Variants in FGFR2 observed in about 807,000 individuals in gnomAD.
FGFR2 encodes the protein BEK fibroblast growth factor receptor.
In FGFR2, 19 loss-of-function variants were observed where a neutral mutation model predicts 95.9. That is an observed-to-expected ratio of 0.20 (90% CI 0.14 to 0.29). FGFR2 has a LOEUF of 0.29. Among genes scored for constraint, FGFR2 ranks in the 10% least tolerant of loss-of-function variants. The pLI, the probability that FGFR2 is intolerant of heterozygous loss-of-function variation, is 1.00. For synonymous variants in FGFR2, 392 were observed against 393.3 expected (o/e 1.00, Z 0.04); for missense variants, 707 against 1,056.9 (o/e 0.67, Z 4.59).
Position 121,531,519 on chromosome 10 carries a change from G to T in FGFR2, c.748+7073C>A, listed in dbSNP as rs1054143791. Among the ~76,000 whole-genome samples, 1 of 152,116 alleles carries T rather than the reference G, an allele frequency of 6.6e-6. No homozygotes were observed. The highest frequency in any genetic ancestry group is 1.5e-5 in the Non-Finnish European group (1 of 68,024). On this transcript the variant is annotated intron_variant, in intron 6 of 17. Coordinates refer to ENST00000358487, the MANE Select transcript of FGFR2 (RefSeq NM_000141.5). This position sits in a 1 kb window ranked among gnomAD's most constrained non-coding sequence, Gnocchi z 4.5. The stretch of plus-strand genomic sequence containing the variant: ...CTCCTTTCATCAGGATGGGCTCAGG[G>T]TGCACGGCTCTGTCTGGAGATGCAA...
intron 13 of FGFR2, among the ~76,000 whole-genome samples, chr10:121,492,642 T>G (rs936467486): frequency 6.6e-6 from 1 of 152,206 alleles, no homozygotes; most frequent in Non-Finnish European, 1.5e-5. Flanking sequence ...TGCCTGGTTC[T>G]TCATTCTCCA....
intron 5 of FGFR2, among the ~76,000 whole-genome samples, chr10:121,549,184 T>C (rs1484488568): frequency 6.6e-6 from 1 of 152,244 alleles, no homozygotes; most frequent in South Asian, 2.1e-4. Flanking sequence ...TGTTAATTTC[T>C]AAGTGTTAAA....
At position 121,598,334 on chromosome 10, in the gene FGFR2, C is replaced by T. The variant is rs913507040; in HGVS notation, c.-523G>A. 3 of 292,376 alleles carry T rather than the reference C, an allele frequency of 1.0e-5. No homozygotes were observed. Among genetic ancestry groups the T allele is most frequent in the African/African-American group, 4.4e-5 (2 of 45,194 alleles). 18.1% of individuals were successfully genotyped at this position (292,376 alleles called of 1,614,324 possible). A position where few individuals can be genotyped will look rare whatever the true frequency, so the allele number is the denominator to read the frequency against. On this transcript the variant is annotated 5_prime_UTR_variant, in exon 1 of 18. The change creates a premature stop within an existing upstream ORF in the 5' untranslated region. Transcript: ENST00000358487. ...CCCGGAGAGCAGTCGCCGCGCCGGG[C>T]CAGGTACGCCGCATGCAGCCCCGCG...
intron 5 of FGFR2, among the ~76,000 whole-genome samples, chr10:121,550,854 T>C (rs1201814236): frequency 6.6e-6 from 1 of 152,110 alleles, no homozygotes; most frequent in Non-Finnish European, 1.5e-5. Flanking sequence ...ACATGGGCAA[T>C]TGTGACAATT....
At chr10:121,490,226 CG>C (rs1845962470) in intron 13 of FGFR2, among the ~76,000 whole-genome samples, 1 of 138,626 alleles carries the variant, frequency 7.2e-6, no homozygotes, top group Admixed American at 8.1e-5. Context: ...TGCAGTGGCA[CG>C]ATCTTGGCTC....
chr10:121,488,135 G>C (rs754564444), intron 13 of FGFR2, 22 bp from the exon 14 acceptor site: 62 of 1,611,822 alleles, frequency 3.8e-5, no homozygotes, highest in Non-Finnish European at 5.2e-5. Context: ...AAAGAAGCAA[G>C]AGAAATAACT....
chr10:121,558,224 G>A (rs1418277979), intron 4 of FGFR2, among the ~76,000 whole-genome samples: 2 of 152,128 alleles, frequency 1.3e-5, no homozygotes, highest in Admixed American at 1.3e-4. Flanking sequence ...TAGTACCTAG[G>A]GAAGGCAAGA....
chr10:121,516,289 T>G (rs1218223377), intron 8 of FGFR2, among the ~76,000 whole-genome samples: 1 of 152,174 alleles, frequency 6.6e-6, no homozygotes, highest in African/African-American at 2.4e-5. Context: ...AGCTTCAACA[T>G]AAGAGACATC....
intron 9 of FGFR2, among the ~76,000 whole-genome samples, chr10:121,508,557 G>A (rs557633007): frequency 6.6e-6 from 1 of 152,278 alleles, no homozygotes; most frequent in South Asian, 2.1e-4. Flanking sequence ...GTCTCGAGAA[G>A]ATTTTCATGT....
intron 11 of FGFR2, 122 bp downstream of exon 11, chr10:121,500,704 C>CTAG: frequency 7.2e-7 from 1 of 1,380,970 alleles, no homozygotes; most frequent in Non-Finnish European, 1.0e-6. Flanking sequence ...ACTTCTCAAC[C>CTAG]CCTAGGTCAA....
intron 6 of FGFR2, among the ~76,000 whole-genome samples, chr10:121,536,650 C>A (rs1166253415): frequency 1.3e-5 from 2 of 152,158 alleles, no homozygotes; most frequent in African/African-American, 4.8e-5. Context: ...GGATGAGCCG[C>A]CAGAAAGCTC....
rs753179677 is a variant in FGFR2 at position 121,565,572 on chromosome 10, G to A, written c.242C>T (p.Pro81Leu). 2 of 1,614,086 alleles carry A rather than the reference G, an allele frequency of 1.2e-6. No individual in the cohort carries two copies. The highest frequency in any genetic ancestry group is 1.7e-6 in the Non-Finnish European group (2 of 1,180,030). The change falls in exon 3 of 18, where the codon CCC (proline) becomes CTC (leucine). Residue 81 changes from proline to leucine, a missense_variant. Physicochemically the swap from Pro to Leu is moderately conservative, Grantham distance 98. Coordinates refer to ENST00000358487, the MANE Select transcript of FGFR2 (RefSeq NM_000141.5). The part of the protein sequence containing the change: ...SWTKDGVHLG[P>L]NNRTVLIGEY... ...CCCAATAAGCACTGTCCTATTGTTGGGCCCCAAGTGCACCCCATCCTTAGT... is the reference window on the plus strand; with the variant it reads ...CCCAATAAGCACTGTCCTATTGTTGAGCCCCAAGTGCACCCCATCCTTAGT...
intron 5 of FGFR2, among the ~76,000 whole-genome samples, chr10:121,549,408 C>A (rs1855044352): frequency 6.6e-6 from 1 of 152,192 alleles, no homozygotes. Context: ...TCCTCCCTAC[C>A]TGGCTGTAAA....
At chr10:121,585,387 G>T (rs1861671330) in intron 2 of FGFR2, among the ~76,000 whole-genome samples, 1 of 151,680 alleles carries the variant, frequency 6.6e-6, no homozygotes, top group Admixed American at 6.6e-5. Flanking sequence ...TGGTAATATT[G>T]TAGAGTAAAC....
chr10:121,495,952 C>T (rs1323880739), intron 13 of FGFR2, among the ~76,000 whole-genome samples: 1 of 152,208 alleles, frequency 6.6e-6, no homozygotes, highest in African/African-American at 2.4e-5. Context: ...CGGTAAGTGG[C>T]ACGCCTGGAA....
intron 17 of FGFR2, chr10:121,480,558 A>G (rs777657841): frequency 3.5e-5 from 8 of 226,166 alleles, no homozygotes; most frequent in Non-Finnish European, 5.4e-5. Context: ...AGTTTCGGGG[A>G]TAATTGAAGG....
At chr10:121,513,514 G>T (rs895327137) in intron 9 of FGFR2, among the ~76,000 whole-genome samples, 1 of 152,138 alleles carries the variant, frequency 6.6e-6, no homozygotes, top group African/African-American at 2.4e-5. Flanking sequence ...AGGGGCAGTG[G>T]CCTAGCTATG....
chr10:121,495,559 A>G (rs986892224), intron 13 of FGFR2, among the ~76,000 whole-genome samples: 10 of 152,144 alleles, frequency 6.6e-5, no homozygotes, highest in African/African-American at 2.4e-4. Flanking sequence ...CCATGTTCCT[A>G]TGTGGCCAGA....
intron 4 of FGFR2, among the ~76,000 whole-genome samples, chr10:121,559,192 A>G (rs1316481773): frequency 6.6e-6 from 1 of 152,114 alleles, no homozygotes; most frequent in Admixed American, 6.5e-5. Context: ...TCATTTGTCA[A>G]AGTTCCTAAA....
Sources: allele counts gnomAD v4.1 joint callset (sites outside exome capture counted in the v4.1 genomes callset), GRCh38; gene constraint gnomAD v4.1.1; non-coding constraint Gnocchi (gnomAD v3.1); transcripts MANE v1.5; gene names NCBI Gene and HGNC (gene_info 2026-07-23, HGNC 2026-07-21).